The following PCM1 variants were observed in gnomAD, a reference collection of about 807,000 sequenced individuals.
PCM1 encodes pericentriolar material 1.
In PCM1, 157 loss-of-function variants were observed where a neutral mutation model predicts 241.9. The ratio of observed to expected loss-of-function variants is 0.65; its 90% CI spans 0.57 to 0.74. PCM1 has a LOEUF of 0.74. PCM1 is among the 30% of genes least tolerant of loss of function. The probability of loss-of-function intolerance (pLI) is 0.00; values close to 1 mark genes in which losing one functional copy is unlikely to be tolerated. For missense variants in PCM1, 3,478 were observed against 2,360.1 expected (o/e 1.47, Z -9.81); for synonymous variants, 1,085 against 784.9 (o/e 1.38, Z -6.39).
intron 6 of PCM1, among the ~76,000 whole-genome samples, chr8:17,943,701 T>G (rs531945687): frequency 7.2e-5 from 11 of 152,328 alleles, no homozygotes; most frequent in African/African-American, 2.6e-4. Flanking sequence ...ATTCTATTTG[T>G]AAAAACATTT....
rs1330713042 is a variant in PCM1 at position 17,938,971 on chromosome 8, G to C, written c.574G>C (p.Glu192Gln). The C allele has an allele frequency of 3.1e-6, 5 of 1,613,622 alleles. No homozygotes were observed. Among genetic ancestry groups the C allele is most frequent in the Non-Finnish European group, 4.2e-6 (5 of 1,179,678 alleles). Residue 192 changes from glutamate (E) to glutamine (Q), a missense_variant, in exon 5 of 39, where the codon GAA becomes CAA. Glu to Gln is a conservative substitution (Grantham distance 29, BLOSUM62 2). Coordinates refer to ENST00000325083, the MANE Select transcript of PCM1 (RefSeq NM_006197.4). ...DLLQNCQVSEEDGRGEPAMES... is the reference protein window; with the variant it reads ...DLLQNCQVSEQDGRGEPAMES... ...CTTGCAAAACTGTCAGGTGTCTGAA[G>C]AAGATGGGAGGGGAGAACCTGCAAT...
chr8:17,931,322 G>C (rs2058960961), intron 2 of PCM1, among the ~76,000 whole-genome samples: 1 of 150,816 alleles, frequency 6.6e-6, no homozygotes, highest in African/African-American at 2.4e-5. Flanking sequence ...ATGGAGTCTT[G>C]CTCTTGCCCA....
At chr8:17,942,660 C>A (rs1425857664) in intron 6 of PCM1, among the ~76,000 whole-genome samples, 1 of 151,530 alleles carries the variant, frequency 6.6e-6, no homozygotes, top group Non-Finnish European at 1.5e-5. Context: ...TAATGGCATT[C>A]CAGATAGAGT....
intron 23 of PCM1, among the ~76,000 whole-genome samples, chr8:17,978,494 CAAAGAA>C (rs1244248475): frequency 6.6e-6 from 1 of 151,364 alleles, no homozygotes; most frequent in African/African-American, 2.4e-5. Context: ...AAGTTGCATA[CAAAGAA>C]AAAGAACCAA....
chr8:18,023,350 T>C (rs2093912037), intron 36 of PCM1, among the ~76,000 whole-genome samples: 2 of 152,216 alleles, frequency 1.3e-5, no homozygotes, highest in Admixed American at 6.5e-5. Flanking sequence ...GGGTTCTAGA[T>C]TTTGTTCTTT....
chr8:17,952,369 T>C (rs2066397380), intron 8 of PCM1, among the ~76,000 whole-genome samples: 1 of 152,098 alleles, frequency 6.6e-6, no homozygotes, highest in Non-Finnish European at 1.5e-5. Flanking sequence ...TTTTGAAGGT[T>C]TATTTTATGT....
chr8:18,024,161 GT>G (rs1378120646), intron 36 of PCM1, among the ~76,000 whole-genome samples: 2 of 152,184 alleles, frequency 1.3e-5, no homozygotes, highest in African/African-American at 4.8e-5. Context: ...ACTAAAAGGA[GT>G]TTGAGAGCAA....
At chr8:17,933,118 C>G (rs2059504255) in intron 2 of PCM1, among the ~76,000 whole-genome samples, 2 of 152,164 alleles carry the variant, frequency 1.3e-5, no homozygotes, top group Non-Finnish European at 2.9e-5. Flanking sequence ...CTCACTCCTA[C>G]ATCATAGAAT....
intron 36 of PCM1, among the ~76,000 whole-genome samples, chr8:18,024,450 G>GT (rs2094002960): frequency 1.3e-5 from 2 of 152,260 alleles, no homozygotes; most frequent in Admixed American, 6.5e-5. Flanking sequence ...AAAAACGTTA[G>GT]TACAAAGAGT....
In PCM1 at chr8:18,011,688, A is replaced by G. The variant is rs1341202009; in HGVS notation, c.5372A>G (p.Gln1791Arg). The G allele has an allele frequency of 6.2e-7, 1 of 1,609,974 alleles. No homozygotes were observed. Residue 1791 changes from glutamine (Q) to arginine (R), a missense_variant, in exon 34 of 39, where the codon CAG (glutamine) becomes CGG (arginine). Gln to Arg is a conservative substitution (Grantham distance 43). Coordinates refer to ENST00000325083, the MANE Select transcript of PCM1 (RefSeq NM_006197.4). ...VSINLSKAET[Q>R]ALTNYGSGED... ...TTAGATTTGTCTAAAGCTGAAACTC[A>G]GGCTTTAACTAATTATGGAAGTGGA...
chr8:17,955,722 G>C, intron 10 of PCM1, 69 bp downstream of exon 10: 1 of 1,166,208 alleles, frequency 8.6e-7, no homozygotes, highest in East Asian at 2.4e-5. Context: ...TTTTTTTTAT[G>C]TTGAAAATTC....
Position 17,957,628 on chromosome 8 carries a change from G to C in PCM1, c.1893G>C (p.Glu631Asp), listed in dbSNP as rs753649619. The C allele has an allele frequency of 6.3e-7, 1 of 1,584,918 alleles. No individual in the cohort carries two copies. Among genetic ancestry groups the C allele is most frequent in the Non-Finnish European group, 8.6e-7 (1 of 1,164,406 alleles). Residue 631 changes from glutamate (E) to aspartate (D), a missense_variant, in exon 13 of 39, where the codon GAG becomes GAC. Transcript: ENST00000325083. ...DEEEEEEAEE[E>D]GVSGASLSSH... ...AGGAGGAGGAAGAAGCAGAAGAGGA[G>C]GGAGTCAGTGGAGCTTCATTATCTA...
chr8:17,967,195 A>G (rs1222207767), intron 21 of PCM1, 25 bp downstream of exon 21: 1 of 1,516,712 alleles, frequency 6.6e-7, no homozygotes, highest in Admixed American at 2.0e-5. Flanking sequence ...CTAAAGAGAA[A>G]ATAAATAAAA....
intron 34 of PCM1, 42 bp from the exon 35 acceptor site, chr8:18,013,922 A>G (rs776153794): frequency 3.4e-6 from 4 of 1,184,162 alleles, no homozygotes; most frequent in South Asian, 1.3e-5. Context: ...TATAGTGACC[A>G]TATATTTCAG....
In PCM1 at chr8:17,976,488, G is replaced by C. The variant is rs577441097; in HGVS notation, c.3943+3801G>C. Among the ~76,000 whole-genome samples the C allele has an allele frequency of 9.2e-5, 14 of 152,350 alleles. No homozygotes were observed. The East Asian group carries it at 2.1e-3, about 23-fold the overall frequency. ...GACAGAAGCATCCTGGGGCAAGAGA[G>C]AGGTGAGTGGAAAACGTCCATCCAT... On this transcript the variant is annotated intron_variant, in intron 23 of 38. Transcript: ENST00000325083.
intron 9 of PCM1, among the ~76,000 whole-genome samples, chr8:17,954,458 A>G (rs1379218959): frequency 1.3e-5 from 2 of 151,974 alleles, no homozygotes; most frequent in East Asian, 1.9e-4. Context: ...GAAAAAAACA[A>G]CTTAACATGT....
At chr8:17,999,183 C>T (rs976866583) in intron 29 of PCM1, among the ~76,000 whole-genome samples, 2 of 151,954 alleles carry the variant, frequency 1.3e-5, no homozygotes, top group African/African-American at 4.8e-5. Flanking sequence ...AGACAAAGTC[C>T]CCTTTTTCCT....
chr8:17,933,044 A>C (rs945464433), intron 2 of PCM1, among the ~76,000 whole-genome samples: 1 of 148,464 alleles, frequency 6.7e-6, no homozygotes, highest in African/African-American at 2.4e-5. Flanking sequence ...ATACCACTTA[A>C]GGAAGACTGT....
intron 38 of PCM1, 60 bp downstream of exon 38, chr8:18,025,718 A>G (rs2094142680): frequency 7.4e-6 from 7 of 947,264 alleles, no homozygotes. Context: ...TCATACTACT[A>G]TTGTGTTTTA....
Sources: gnomAD v4.1 joint callset for allele counts (sites outside exome capture counted in the v4.1 genomes callset) on GRCh38, gnomAD v4.1.1 for gene constraint, MANE v1.5 for transcripts, NCBI Gene and HGNC (gene_info 2026-07-23, HGNC 2026-07-21) for gene names.